Variants in C18orf63 observed in about 807,000 individuals in gnomAD.
C18orf63 encodes uncharacterized protein C18orf63.
In C18orf63, 50 loss-of-function variants were observed where a neutral mutation model predicts 75.3. The observed-to-expected ratio is 0.66, with a 90% confidence interval of 0.53 to 0.84. C18orf63 has a LOEUF of 0.84. C18orf63 is among the 40% of genes least tolerant of loss of function. The probability of loss-of-function intolerance (pLI) is 0.00; values close to 1 mark genes in which losing one functional copy is unlikely to be tolerated. For missense variants in C18orf63, 732 were observed against 800.2 expected (o/e 0.91, Z 1.03); for synonymous variants, 232 against 267.6 (o/e 0.87, Z 1.30).
At chr18:74,319,813 G>T (rs1344912320) in intron 2 of C18orf63, among the ~76,000 whole-genome samples, 1 of 152,118 alleles carries the variant, frequency 6.6e-6, no homozygotes, top group Non-Finnish European at 1.5e-5. Context: ...ACTGTGTGTA[G>T]ATTTCTTCAA....
chr18:74,345,796 A>T (rs1363504491), intron 11 of C18orf63, among the ~76,000 whole-genome samples: 1 of 152,024 alleles, frequency 6.6e-6, no homozygotes, highest in Non-Finnish European at 1.5e-5. Context: ...TTTTAGAATT[A>T]TCTTAATTAT....
chr18:74,343,523 C>A lies in C18orf63; in HGVS notation c.799C>A (p.Pro267Thr). ...KMLGERTFTY[P>T]LSCIRSQPMQ... ...TTGTTCTTTAACATTGTTCAGATAT[C>A]CTCTCAGTTGCATCAGAAGTCAGCC... The change falls in exon 11 of 14, where the codon CCT (proline) becomes ACT (threonine). Residue 267 changes from proline to threonine, a missense_variant. Pro to Thr is a conservative substitution (Grantham distance 38). Coordinates refer to ENST00000579455, the MANE Select transcript of C18orf63 (RefSeq NM_001174123.2). 1 of 1,518,696 alleles carries A rather than the reference C, an allele frequency of 6.6e-7. No homozygotes were observed. The highest frequency in any genetic ancestry group is 2.5e-5 in the East Asian group (1 of 40,466). 94.1% of individuals were successfully genotyped at this position (1,518,696 alleles called of 1,614,324 possible).
chr18:74,333,388 G>A (rs1984341110), intron 7 of C18orf63, among the ~76,000 whole-genome samples: 1 of 152,148 alleles, frequency 6.6e-6, no homozygotes, highest in African/African-American at 2.4e-5. Context: ...CCATTCTCAT[G>A]CTGCTCTGAA....
chr18:74,333,461 G>A (rs1423054506), intron 7 of C18orf63, among the ~76,000 whole-genome samples: 2 of 152,218 alleles, frequency 1.3e-5, no homozygotes, highest in African/African-American at 4.8e-5. Context: ...AGTTCCTCAT[G>A]ACTGGGAAGG....
intron 2 of C18orf63, among the ~76,000 whole-genome samples, chr18:74,319,601 T>C (rs893188695): frequency 6.6e-6 from 1 of 152,206 alleles, no homozygotes; most frequent in Admixed American, 6.5e-5. Context: ...TTGAAACCAC[T>C]ACCCAGTTCT....
At position 74,335,879 on chromosome 18, in the gene C18orf63, C is replaced by T. The variant is rs1218674075; in HGVS notation, c.502-2836C>T. Among the ~76,000 whole-genome samples, 5 of 152,158 alleles carry T rather than the reference C, an allele frequency of 3.3e-5. No homozygotes were observed. The East Asian group carries it at 5.8e-4, about 18-fold the overall frequency. ...TTAATATTCACATACCCAGAAAATT[C>T]AGTGTAGGCCTAGAATCACATTAAA... On this transcript the variant is annotated intron_variant, in intron 7 of 13. Transcript: ENST00000579455.
At chr18:74,351,724 T>C (rs1323859537) in intron 11 of C18orf63, among the ~76,000 whole-genome samples, 1 of 152,242 alleles carries the variant, frequency 6.6e-6, no homozygotes, top group African/African-American at 2.4e-5. Flanking sequence ...ATAATTGGAT[T>C]AGTCTCTTAC....
At chr18:74,344,657 G>A (rs1008184257) in intron 11 of C18orf63, among the ~76,000 whole-genome samples, 7 of 152,036 alleles carry the variant, frequency 4.6e-5, no homozygotes, top group African/African-American at 1.7e-4. Context: ...TGAACTTCAT[G>A]TAAAATAAAT....
At chr18:74,332,673 C>T (rs941763744) in intron 7 of C18orf63, among the ~76,000 whole-genome samples, 3 of 150,918 alleles carry the variant, frequency 2.0e-5, no homozygotes, top group Admixed American at 1.3e-4. Context: ...CATGCCACTG[C>T]ACTCCAGTCT....
At chr18:74,331,131 A>G (rs1299140273) in intron 7 of C18orf63, among the ~76,000 whole-genome samples, 189 bp downstream of exon 7, 1 of 152,144 alleles carries the variant, frequency 6.6e-6, no homozygotes, top group East Asian at 1.9e-4. Flanking sequence ...CCCAAAGAAA[A>G]TATTGTTCTG....
intron 8 of C18orf63, among the ~76,000 whole-genome samples, chr18:74,340,336 T>G (rs1394690045): frequency 6.6e-6 from 1 of 152,138 alleles, no homozygotes; most frequent in Non-Finnish European, 1.5e-5. Context: ...ATGGCTATTA[T>G]CAAAACGACA....
In C18orf63 at chr18:74,327,969, T is replaced by C. The variant is rs1568235805; in HGVS notation, c.293T>C (p.Ile98Thr). The C allele has an allele frequency of 2.0e-6, 3 of 1,535,166 alleles. No individual in the cohort carries two copies. The highest frequency in any genetic ancestry group is 1.7e-6 in the Non-Finnish European group (2 of 1,146,010). The stretch of plus-strand genomic sequence containing the variant: ...TAGATGGAGGCTCCACAAAGAGTAA[T>C]TCCTGTAATTCTTCAGAACTGCCTG... ...GAKMEAPQRV[I>T]PVILQNCLSY... Residue 98 changes from isoleucine (I) to threonine (T), a missense_variant, in exon 5 of 14, where the codon ATT becomes ACT. By Grantham distance (89) the Ile-to-Thr change is moderately conservative. This residue lies in a region of C18orf63 where 233 missense variants were observed against 272.7 expected (regional missense o/e 0.85). Transcript: ENST00000579455.
At chr18:74,340,018 A>G (rs1452525573) in intron 8 of C18orf63, among the ~76,000 whole-genome samples, 1 of 152,172 alleles carries the variant, frequency 6.6e-6, no homozygotes, top group Non-Finnish European at 1.5e-5. Flanking sequence ...TGGTTACATC[A>G]CTGAAAAGCT....
chr18:74,328,167 A>G, intron 5 of C18orf63, 109 bp downstream of exon 5: 2 of 660,960 alleles, frequency 3.0e-6, no homozygotes, highest in Non-Finnish European at 5.1e-6. Flanking sequence ...AGACTGGAAA[A>G]TTTATAAAGG....
At chr18:74,331,018 A>G (rs1984296170) in intron 7 of C18orf63, 76 bp downstream of exon 7, 6 of 546,230 alleles carry the variant, frequency 1.1e-5, no homozygotes, top group Non-Finnish European at 1.7e-5. Context: ...TACTAACGTG[A>G]TTAGGTTTTA....
chr18:74,323,729 T>G (rs1287174638), intron 4 of C18orf63, among the ~76,000 whole-genome samples: 1 of 152,228 alleles, frequency 6.6e-6, no homozygotes, highest in South Asian at 2.1e-4. Context: ...TAAATTAATT[T>G]TGTTCAACGT....
At chr18:74,321,119 G>C (rs962533397) in intron 3 of C18orf63, among the ~76,000 whole-genome samples, 36 of 152,062 alleles carry the variant, frequency 2.4e-4, no homozygotes, top group Admixed American at 2.4e-3. Flanking sequence ...ATATTATCCT[G>C]AGATTTTTAT....
chr18:74,343,201 T>C (rs531484469), intron 10 of C18orf63, among the ~76,000 whole-genome samples: 250 of 152,302 alleles, frequency 1.6e-3, no homozygotes, highest in Middle Eastern at 0.01. Context: ...TTATAATACT[T>C]ATTTTGTAAT....
chr18:74,343,342 A>AT (rs1188431503), intron 10 of C18orf63, among the ~76,000 whole-genome samples, 177 bp from the exon 11 acceptor site: 3 of 152,170 alleles, frequency 2.0e-5, no homozygotes, highest in Non-Finnish European at 4.4e-5. Context: ...AGGAATGAAG[A>AT]TCCCTGTGAG....
Sources: gnomAD v4.1 joint callset for allele counts (sites outside exome capture counted in the v4.1 genomes callset) on GRCh38, gnomAD v4.1.1 for gene constraint, gnomAD v4.1.1 regional missense constraint, MANE v1.5 for transcripts, NCBI Gene and HGNC (gene_info 2026-07-23, HGNC 2026-07-21) for gene names.